Variants in ANKRD30BL observed in about 807,000 individuals in gnomAD.
ANKRD30BL encodes the protein putative ankyrin repeat domain-containing protein 30B-like.
Under a neutral mutation model 18.4 loss-of-function variants are expected in ANKRD30BL, and 20 were observed. The observed-to-expected ratio is 1.09, with a 90% CI of 0.77 to 1.58. ANKRD30BL has a LOEUF of 1.58. Ranked by LOEUF, ANKRD30BL falls within the 40% of genes most tolerant of loss-of-function variation. The probability of loss-of-function intolerance (pLI) is 0.00; values close to 1 mark genes in which losing one functional copy is unlikely to be tolerated. For synonymous variants in ANKRD30BL, 72 were observed against 100.9 expected (o/e 0.71, Z 1.72); for missense variants, 224 against 268.6 (o/e 0.83, Z 1.16).
intron 1 of ANKRD30BL, among the ~76,000 whole-genome samples, chr2:132,225,088 TTAG>T (rs1679805593): frequency 1.3e-5 from 2 of 152,014 alleles, no homozygotes; most frequent in Admixed American, 1.3e-4. Flanking sequence ...AAACACTCTT[TTAG>T]TAGAATCTGC....
In ANKRD30BL at chr2:132,235,327, G is replaced by A. The variant is rs536205458; in HGVS notation, n.441+22202C>T. On this transcript the variant is annotated intron_variant and non_coding_transcript_variant, in intron 1 of 4. Transcript: ENST00000470729. ...ACTCCTATTCAACATAGGGTTGGAA[G>A]TTCTGACCAGGGCAACTAGGCAGGA... is the stretch of plus-strand genomic sequence containing the variant. Among the ~76,000 whole-genome samples the A allele has an allele frequency of 1.3e-3, 198 of 152,306 alleles. 1 individual carries two copies. The highest frequency in any genetic ancestry group is 4.5e-3 in the African/African-American group (187 of 41,584).
intron 1 of ANKRD30BL, among the ~76,000 whole-genome samples, chr2:132,249,251 C>T (rs10153827): frequency 1.3e-5 from 2 of 151,482 alleles, no homozygotes; most frequent in Non-Finnish European, 2.9e-5. Context: ...AGTGCACACA[C>T]CACACAGATG....
chr2:132,186,137 A>C (rs1351088049), intron 1 of ANKRD30BL, among the ~76,000 whole-genome samples: 1 of 151,850 alleles, frequency 6.6e-6, no homozygotes, highest in Non-Finnish European at 1.5e-5. Flanking sequence ...AAAAAAAAAA[A>C]GAAAGAAAAA....
At chr2:132,187,581 T>C (rs1401044568) in intron 1 of ANKRD30BL, among the ~76,000 whole-genome samples, 1 of 152,082 alleles carries the variant, frequency 6.6e-6, no homozygotes, top group Admixed American at 6.6e-5. Flanking sequence ...CCCAAAATGC[T>C]GGGATTACAG....
At chr2:132,186,243 T>C (rs1406061815) in intron 1 of ANKRD30BL, among the ~76,000 whole-genome samples, 2 of 152,116 alleles carry the variant, frequency 1.3e-5, no homozygotes, top group African/African-American at 2.4e-5. Context: ...AAATAACTAA[T>C]AGTTAATAAG....
At chr2:132,238,523 C>T (rs1269937847) in intron 1 of ANKRD30BL, among the ~76,000 whole-genome samples, 3 of 151,844 alleles carry the variant, frequency 2.0e-5, no homozygotes, top group African/African-American at 4.8e-5. Context: ...CTTGAACATT[C>T]GTTTTCATGG....
intron 1 of ANKRD30BL, among the ~76,000 whole-genome samples, chr2:132,217,996 G>C (rs542805580): frequency 5.9e-5 from 9 of 151,512 alleles, no homozygotes; most frequent in African/African-American, 1.9e-4. Flanking sequence ...TTTATGATGT[G>C]TGCATTCAAC....
intron 4 of ANKRD30BL, chr2:132,153,796 T>C (rs1178696805): frequency 8.5e-6 from 4 of 468,710 alleles, no homozygotes. Context: ...AAACGTTAAG[T>C]ATCTTGAGTG....
chr2:132,240,991 A>C (rs950708184), intron 1 of ANKRD30BL, among the ~76,000 whole-genome samples: 1 of 151,948 alleles, frequency 6.6e-6, no homozygotes, highest in Non-Finnish European at 1.5e-5. Context: ...CTTTCTTTGG[A>C]AATGGGAATA....
At chr2:132,228,108 C>G (rs966423195) in intron 1 of ANKRD30BL, among the ~76,000 whole-genome samples, 1 of 152,034 alleles carries the variant, frequency 6.6e-6, no homozygotes, top group African/African-American at 2.4e-5. Flanking sequence ...AGAAACTAGA[C>G]AGAAGCATTC....
In ANKRD30BL at chr2:132,236,248, A is replaced by C. The variant is rs188615548; in HGVS notation, n.441+21281T>G. Among the ~76,000 whole-genome samples, 46 of 151,268 alleles carry C rather than the reference A, an allele frequency of 3.0e-4. No homozygotes were observed. In the East Asian group the frequency reaches 4.4e-3, roughly 15 times the overall value. On this transcript the variant is annotated intron_variant and non_coding_transcript_variant, in intron 1 of 4. Transcript: ENST00000470729. ...AACCATAAAAACCCTAGAAGAAAACATAGGCATTACCATTCAGGACATAGG... is the reference window on the plus strand; with the variant it reads ...AACCATAAAAACCCTAGAAGAAAACCTAGGCATTACCATTCAGGACATAGG...
intron 1 of ANKRD30BL, among the ~76,000 whole-genome samples, chr2:132,218,248 A>G (rs1281007441): frequency 1.3e-5 from 2 of 152,144 alleles, no homozygotes; most frequent in Non-Finnish European, 2.9e-5. Context: ...GCAATTGGAT[A>G]TTTGGTCTGC....
chr2:132,252,971 G>A (rs1573898712), intron 1 of ANKRD30BL, among the ~76,000 whole-genome samples: 2 of 152,008 alleles, frequency 1.3e-5, no homozygotes, highest in African/African-American at 4.8e-5. Flanking sequence ...CCTTCCCCAC[G>A]CCACCCAACG....
At chr2:132,169,816 A>G (rs1294609593) in intron 1 of ANKRD30BL, among the ~76,000 whole-genome samples, 1 of 151,388 alleles carries the variant, frequency 6.6e-6, no homozygotes, top group Non-Finnish European at 1.5e-5. Flanking sequence ...ATTCTTCTCC[A>G]TTTTTATATT....
At chr2:132,243,210 A>G (rs10205712) in intron 1 of ANKRD30BL, among the ~76,000 whole-genome samples, 3,524 of 151,720 alleles carry the variant, frequency 0.023, 127 homozygotes, top group African/African-American at 0.081. Flanking sequence ...CCTTGGTGGA[A>G]AAGGAATTAT....
chr2:132,234,435 G>A lies in ANKRD30BL; in HGVS notation n.441+23094C>T, dbSNP rs934011831. 2.8e-3 allele frequency among the ~76,000 whole-genome samples: 431 copies of A among 151,940 alleles called. 3 individuals carry two copies. Among genetic ancestry groups the A allele is most frequent in the African/African-American group, 0.01 (422 of 41,450 alleles). On this transcript the variant is annotated intron_variant and non_coding_transcript_variant, in intron 1 of 4. Coordinates refer to the ANKRD30BL transcript ENST00000470729. ...AAAGGATCAACAAAATTGATAGACA[G>A]CTAGCAAGACTAATAAAGAAAAAAA...
chr2:132,253,275 A>C (rs78311414), intron 1 of ANKRD30BL: 2 of 154,568 alleles, frequency 1.3e-5, no homozygotes, highest in African/African-American at 4.8e-5. Flanking sequence ...GTTCATTGAC[A>C]CAGGAGCTGA....
intron 1 of ANKRD30BL, among the ~76,000 whole-genome samples, chr2:132,179,750 T>C (rs1305327414): frequency 3.3e-5 from 5 of 152,100 alleles, no homozygotes; most frequent in South Asian, 2.1e-4. Flanking sequence ...GGAACTTCCA[T>C]TGAGACAGAA....
chr2:132,186,174 T>G (rs1460954222), intron 1 of ANKRD30BL, among the ~76,000 whole-genome samples: 1 of 151,666 alleles, frequency 6.6e-6, no homozygotes, highest in Non-Finnish European at 1.5e-5. Context: ...GGAATTCTTC[T>G]CAAAAAACTA....
Sources: allele counts gnomAD v4.1 joint callset (sites outside exome capture counted in the v4.1 genomes callset), GRCh38; gene constraint gnomAD v4.1.1; transcripts MANE v1.5; gene names NCBI Gene and HGNC (gene_info 2026-07-23, HGNC 2026-07-21).